The following PAH variants were observed in gnomAD, a reference collection of about 807,000 sequenced individuals.
The protein encoded by PAH is phenylalanine-4-hydroxylase.
A neutral mutation model predicts 62.0 loss-of-function variants in PAH; 64 were observed. The ratio of observed to expected loss-of-function variants is 1.03; its 90% CI spans 0.84 to 1.27. The LOEUF is 1.27. PAH is among the 50% of genes most tolerant of loss of function. The probability of loss-of-function intolerance (pLI) is 0.00; values close to 1 mark genes in which losing one functional copy is unlikely to be tolerated. For missense variants in PAH, 579 were observed against 542.8 expected (o/e 1.07, Z -0.66); for synonymous variants, 195 against 196.2 (o/e 0.99, Z 0.05).
intron 5 of PAH, among the ~76,000 whole-genome samples, chr12:102,857,789 C>T (rs955398570): frequency 9.2e-5 from 14 of 152,094 alleles, no homozygotes; most frequent in Admixed American, 7.9e-4. Context: ...GATTTTGTCA[C>T]CACCATGCCT....
chr12:102,863,620 C>T (rs927706972), intron 5 of PAH, among the ~76,000 whole-genome samples: 11 of 152,204 alleles, frequency 7.2e-5, no homozygotes, highest in Admixed American at 2.0e-4. Context: ...ATTGAGTTGG[C>T]GTATCAGCCT....
intron 1 of PAH, among the ~76,000 whole-genome samples, chr12:102,927,098 TA>T (rs1347754321): frequency 6.6e-6 from 1 of 151,938 alleles, no homozygotes; most frequent in Non-Finnish European, 1.5e-5. Context: ...AGAAGACACT[TA>T]GGGGCAGAGA....
chr12:102,883,096 G>T (rs1356404227), intron 3 of PAH, among the ~76,000 whole-genome samples: 4 of 152,138 alleles, frequency 2.6e-5, no homozygotes, highest in East Asian at 1.9e-4. Flanking sequence ...TAACATGTGG[G>T]TATTAGATTT....
chr12:102,909,828 A>T (rs1472736218), intron 2 of PAH, among the ~76,000 whole-genome samples: 1 of 152,114 alleles, frequency 6.6e-6, no homozygotes, highest in Non-Finnish European at 1.5e-5. Flanking sequence ...GCATGGTGGC[A>T]TGTGCCTGTA....
intron 7 of PAH, chr12:102,852,125 C>T (rs950628973): frequency 1.9e-5 from 5 of 269,636 alleles, no homozygotes; most frequent in Admixed American, 4.9e-5. Context: ...TATTGACTTC[C>T]CTGGGCAGAT....
chr12:102,950,950 G>C (rs970951244), upstream of PAH: 1 of 151,606 alleles, frequency 6.6e-6, no homozygotes, highest in Non-Finnish European at 1.5e-5. Flanking sequence ...AAAACGGATA[G>C]TGTGTGTGTT....
chr12:102,843,954 C>T (rs1308723965), intron 10 of PAH, among the ~76,000 whole-genome samples, 175 bp from the exon 11 acceptor site: 2 of 152,162 alleles, frequency 1.3e-5, no homozygotes, highest in Non-Finnish European at 2.9e-5. Context: ...CCCTTCATAG[C>T]TCATCTAAAA....
intron 8 of PAH, among the ~76,000 whole-genome samples, chr12:102,851,032 C>T (rs961146767): frequency 6.7e-6 from 1 of 149,674 alleles, no homozygotes; most frequent in African/African-American, 2.5e-5. Context: ...TGCAGTGAAC[C>T]GTGATTATAC....
At chr12:102,889,974 C>G (rs1351947274) in intron 3 of PAH, among the ~76,000 whole-genome samples, 1 of 152,152 alleles carries the variant, frequency 6.6e-6, no homozygotes, top group African/African-American at 2.4e-5. Context: ...GAATAGACCT[C>G]AAGTATTCAA....
chr12:102,855,094 C>G (rs762075896), intron 6 of PAH, 42 bp downstream of exon 6: 2 of 1,530,030 alleles, frequency 1.3e-6, no homozygotes, highest in Non-Finnish European at 1.8e-6. Flanking sequence ...CTCAATCCTC[C>G]CCCAACTTTC....
chr12:102,858,988 G>T (rs1487010267), intron 5 of PAH, among the ~76,000 whole-genome samples: 1 of 152,082 alleles, frequency 6.6e-6, no homozygotes, highest in Non-Finnish European at 1.5e-5. Context: ...CAGAACTGAA[G>T]GAGATAGAGA....
chr12:102,890,159 G>T (rs1351777099), intron 3 of PAH, among the ~76,000 whole-genome samples: 7 of 152,166 alleles, frequency 4.6e-5, no homozygotes. Flanking sequence ...CACCCACATG[G>T]CTTTTTGAAT....
intron 5 of PAH, among the ~76,000 whole-genome samples, chr12:102,864,418 C>T (rs1339510323): frequency 2.6e-5 from 4 of 152,184 alleles, no homozygotes; most frequent in African/African-American, 9.7e-5. Context: ...TGGGGCTGCT[C>T]ATCCCAAGCT....
intron 11 of PAH, among the ~76,000 whole-genome samples, chr12:102,842,180 G>C (rs1421275483): frequency 6.6e-6 from 1 of 152,160 alleles, no homozygotes; most frequent in African/African-American, 2.4e-5. Flanking sequence ...CCATCCAAAT[G>C]TGATCTTGGC....
chr12:102,845,228 A>G (rs954654148), intron 9 of PAH, among the ~76,000 whole-genome samples: 4 of 152,278 alleles, frequency 2.6e-5, no homozygotes, highest in Admixed American at 2.6e-4. Context: ...AATGTAAAGC[A>G]TGATGGAAAA....
intron 8 of PAH, among the ~76,000 whole-genome samples, chr12:102,848,399 G>C (rs1874974356): frequency 6.6e-6 from 1 of 151,436 alleles, no homozygotes; most frequent in Non-Finnish European, 1.5e-5. Flanking sequence ...GAAAGGCTGA[G>C]TGTAGATGGG....
chr12:102,892,993 A>C (rs1050314984), intron 3 of PAH, among the ~76,000 whole-genome samples: 1 of 152,220 alleles, frequency 6.6e-6, no homozygotes, highest in Non-Finnish European at 1.5e-5. Flanking sequence ...CTAAAAAAAA[A>C]TACCACACAA....
At chr12:102,858,034 T>C (rs1026990108) in intron 5 of PAH, among the ~76,000 whole-genome samples, 5 of 152,118 alleles carry the variant, frequency 3.3e-5, no homozygotes, top group Non-Finnish European at 5.9e-5. Context: ...GACTGGCAAA[T>C]TGGATAAAGA....
chr12:102,864,805 C>A (rs373355321), intron 5 of PAH, among the ~76,000 whole-genome samples: 467 of 131,606 alleles, frequency 3.5e-3, no homozygotes, highest in Admixed American at 4.4e-3. Flanking sequence ...ATAGAATCTG[C>A]AAAAAAAAAA....
Sources: allele counts gnomAD v4.1 joint callset (sites outside exome capture counted in the v4.1 genomes callset), GRCh38; gene constraint gnomAD v4.1.1; transcripts MANE v1.5; gene names NCBI Gene and HGNC (gene_info 2026-07-23, HGNC 2026-07-21).